Variants in OSBPL10 observed in about 807,000 individuals in gnomAD.
The protein encoded by OSBPL10 is oxysterol binding protein like 10, also known as oxysterol-binding protein-related protein 10.
OSBPL10 carries 49 observed loss-of-function variants against 81.7 expected under a neutral mutation model. The ratio of observed to expected loss-of-function variants is 0.60; its 90% CI spans 0.48 to 0.76. The LOEUF (loss-of-function observed/expected upper bound fraction) is 0.76, where lower values mean the gene tolerates loss of function less well. Among genes scored for constraint, OSBPL10 ranks in the 30% least tolerant of loss-of-function variants. The pLI, the probability that OSBPL10 is intolerant of heterozygous loss-of-function variation, is 0.00. For synonymous variants in OSBPL10, 419 were observed against 383.6 expected, an observed-to-expected ratio of 1.09 and a Z score of -1.08; for missense variants, 923 against 987.8, an observed-to-expected ratio of 0.93 and a Z score of 0.88.
chr3:31,798,617 ATT>A (rs958485502), intron 4 of OSBPL10, among the ~76,000 whole-genome samples: 4 of 152,174 alleles, frequency 2.6e-5, no homozygotes, highest in African/African-American at 9.7e-5. Flanking sequence ...CTAGTAGGAA[ATT>A]TTTAATTACA....
intron 2 of OSBPL10, among the ~76,000 whole-genome samples, chr3:32,002,030 A>T (rs1408430896): frequency 6.6e-6 from 1 of 152,226 alleles, no homozygotes; most frequent in Non-Finnish European, 1.5e-5. Context: ...ATGGCAGGTT[A>T]GGGTTCAAAC....
chr3:31,852,304 G>A (rs894716192), intron 3 of OSBPL10, among the ~76,000 whole-genome samples: 2 of 152,148 alleles, frequency 1.3e-5, no homozygotes, highest in African/African-American at 2.4e-5. Context: ...CGGGGGCAGG[G>A]GGTCGGGGGG....
rs371441581 is a variant in OSBPL10 at position 31,747,920 on chromosome 3, T to A, written c.930A>T (p.Pro310=). ...VHQAGQPSQK[P]GASENILGWH... ...CCCCGGGGGTCTTACCCGAGGCTCC[T>A]GGCTTCTGGCTGGGCTGGCCCGCCT... Residue 310 remains proline, a synonymous_variant, in exon 5 of 12, where the codon CCA becomes CCT. Transcript: ENST00000396556. 5.0e-6 allele frequency: 8 copies of A among 1,613,448 alleles called. No homozygotes were observed. In the African/African-American group the frequency reaches 1.1e-4, roughly 22 times the overall value.
chr3:31,765,154 A>AT, intron 4 of OSBPL10, among the ~76,000 whole-genome samples: 1 of 151,990 alleles, frequency 6.6e-6, no homozygotes, highest in African/African-American at 2.4e-5. Context: ...AGTAGCTGGG[A>AT]TTACAGGCAT....
intron 3 of OSBPL10, among the ~76,000 whole-genome samples, chr3:31,831,226 G>C (rs888601753): frequency 6.6e-6 from 1 of 152,014 alleles, no homozygotes; most frequent in Non-Finnish European, 1.5e-5. Context: ...GACCAACATG[G>C]AGAAACCCCA....
At chr3:32,013,752 A>G (rs1453525321) in intron 2 of OSBPL10, among the ~76,000 whole-genome samples, 1 of 152,248 alleles carries the variant, frequency 6.6e-6, no homozygotes, top group Non-Finnish European at 1.5e-5. Context: ...ATAAAAAATG[A>G]TAAAGTGGAT....
chr3:31,722,779 G>A lies in OSBPL10; in HGVS notation c.1095+10478C>T, dbSNP rs555583437. 3.3e-5 allele frequency among the ~76,000 whole-genome samples: 5 copies of A among 152,174 alleles called. No homozygotes were observed. The South Asian group carries it at 1.0e-3, about 32-fold the overall frequency. ...ATCAAAAAATAACCGTCATTCCTGG[G>A]GGTTTCCAGGGTAACCTACAATATT... On this transcript the variant is annotated intron_variant, in intron 6 of 11. Transcript: ENST00000396556.
chr3:31,816,399 C>G (rs1699835049), intron 4 of OSBPL10, among the ~76,000 whole-genome samples: 1 of 152,208 alleles, frequency 6.6e-6, no homozygotes, highest in Admixed American at 6.5e-5. Flanking sequence ...GCCTGCTTGA[C>G]AGGTGATAGT....
intron 8 of OSBPL10, among the ~76,000 whole-genome samples, chr3:31,676,161 T>A (rs143328679): frequency 1.3e-5 from 2 of 152,082 alleles, no homozygotes; most frequent in Non-Finnish European, 2.9e-5. Context: ...CTAAACTGAT[T>A]TGAAGGCACT....
intron 2 of OSBPL10, chr3:31,989,348 A>G (rs1698990089): frequency 6.2e-7 from 1 of 1,614,118 alleles, no homozygotes; most frequent in Non-Finnish European, 8.5e-7. Context: ...GGGACATTAG[A>G]AAGACATGAA....
At chr3:31,932,984 A>G (rs1432686766) in intron 1 of OSBPL10, among the ~76,000 whole-genome samples, 1 of 152,180 alleles carries the variant, frequency 6.6e-6, no homozygotes, top group Non-Finnish European at 1.5e-5. Context: ...ATAAACTCAA[A>G]TTTATTTAAA....
At chr3:31,741,580 G>C (rs563350645) in intron 5 of OSBPL10, among the ~76,000 whole-genome samples, 1 of 152,270 alleles carries the variant, frequency 6.6e-6, no homozygotes, top group South Asian at 2.1e-4. Context: ...GCTTTCTTTA[G>C]GGAGAAGTTG....
At chr3:31,706,301 C>A (rs775239879) in intron 6 of OSBPL10, among the ~76,000 whole-genome samples, 3 of 152,148 alleles carry the variant, frequency 2.0e-5, no homozygotes, top group Admixed American at 2.0e-4. Context: ...AGATATCCAC[C>A]CCCATCCTTG....
At chr3:31,723,678 A>G (rs1316061044) in intron 6 of OSBPL10, among the ~76,000 whole-genome samples, 1 of 152,184 alleles carries the variant, frequency 6.6e-6, no homozygotes, top group African/African-American at 2.4e-5. Flanking sequence ...GCCATAAGCC[A>G]TCTACAAAAC....
intron 4 of OSBPL10, among the ~76,000 whole-genome samples, chr3:31,801,283 G>C (rs1223199942): frequency 6.6e-6 from 1 of 152,142 alleles, no homozygotes; most frequent in Admixed American, 6.5e-5. Context: ...CAAGTCTTTG[G>C]AGTTGGGGAA....
chr3:31,777,067 C>A (rs1421352448), intron 4 of OSBPL10, among the ~76,000 whole-genome samples: 1 of 152,146 alleles, frequency 6.6e-6, no homozygotes, highest in Non-Finnish European at 1.5e-5. Flanking sequence ...ATGTTGTTTA[C>A]TATAAAAGTC....
At chr3:32,075,153 A>G (rs1244785567) in intron 1 of OSBPL10, among the ~76,000 whole-genome samples, 1 of 152,218 alleles carries the variant, frequency 6.6e-6, no homozygotes, top group East Asian at 1.9e-4. Context: ...CTCCACTAGC[A>G]TTACAGATGT....
chr3:31,912,403 A>AAAG (rs72289103), intron 1 of OSBPL10, among the ~76,000 whole-genome samples: 1 of 151,604 alleles, frequency 6.6e-6, no homozygotes, highest in East Asian at 1.9e-4. Flanking sequence ...TCGGAAAAAA[A>AAAG]AAAAAATTAA....
intron 1 of OSBPL10, among the ~76,000 whole-genome samples, chr3:31,966,638 T>C (rs958321438): frequency 2.0e-5 from 3 of 152,070 alleles, no homozygotes; most frequent in Non-Finnish European, 2.9e-5. Flanking sequence ...AAGGGAATAC[T>C]AGAAGCAACT....
Sources: allele counts gnomAD v4.1 joint callset (sites outside exome capture counted in the v4.1 genomes callset), GRCh38; gene constraint gnomAD v4.1.1; transcripts MANE v1.5; gene names NCBI Gene and HGNC (gene_info 2026-07-23, HGNC 2026-07-21).